NDFIP2: variants seen among roughly 807,000 people sequenced by gnomAD.
NDFIP2 encodes NEDD4 family-interacting protein 2.
A neutral mutation model predicts 36.0 loss-of-function variants in NDFIP2; 19 were observed. The observed-to-expected ratio is 0.53, with a 90% CI of 0.37 to 0.77. The LOEUF (loss-of-function observed/expected upper bound fraction) is 0.77, where lower values mean the gene tolerates loss of function less well. Among genes scored for constraint, NDFIP2 ranks in the 30% least tolerant of loss-of-function variants. The probability of loss-of-function intolerance (pLI) is 0.00; values close to 1 mark genes in which losing one functional copy is unlikely to be tolerated. For synonymous variants in NDFIP2, 181 were observed against 167.7 expected (o/e 1.08, Z -0.61); for missense variants, 446 against 435.8 (o/e 1.02, Z -0.21).
At chr13:79,500,473 A>G (rs1214950204) in intron 1 of NDFIP2, among the ~76,000 whole-genome samples, 3 of 152,022 alleles carry the variant, frequency 2.0e-5, no homozygotes, top group Non-Finnish European at 4.4e-5. Flanking sequence ...TCCAAAATAT[A>G]CAAAGAATTC....
chr13:79,501,529 T>C (rs1172059525), intron 1 of NDFIP2, among the ~76,000 whole-genome samples: 1 of 152,100 alleles, frequency 6.6e-6, no homozygotes, highest in Non-Finnish European at 1.5e-5. Context: ...ACATGATTGC[T>C]AACTTTGAGA....
At chr13:79,488,011 C>T (rs2140730777) in intron 1 of NDFIP2, among the ~76,000 whole-genome samples, 1 of 152,272 alleles carries the variant, frequency 6.6e-6, no homozygotes, top group Admixed American at 6.5e-5. Flanking sequence ...GTTAGGATAA[C>T]TTGTTATACT....
intron 1 of NDFIP2, among the ~76,000 whole-genome samples, chr13:79,483,157 T>C (rs1314612213): frequency 6.6e-6 from 1 of 152,168 alleles, no homozygotes; most frequent in Non-Finnish European, 1.5e-5. Context: ...AGACTTTGAA[T>C]GTTCCTTGAG....
chr13:79,485,870 A>G (rs757098379), intron 1 of NDFIP2, among the ~76,000 whole-genome samples: 4 of 152,164 alleles, frequency 2.6e-5, no homozygotes, highest in Non-Finnish European at 4.4e-5. Context: ...ATTACCTGGC[A>G]TGGAATATTG....
At position 79,507,792 on chromosome 13, in the gene NDFIP2, G is replaced by A. The variant is rs144224251; in HGVS notation, c.322-13018G>A. On this transcript the variant is annotated intron_variant, in intron 1 of 7. Coordinates refer to ENST00000218652, the MANE Select transcript of NDFIP2 (RefSeq NM_019080.3). ...TTCTATATCCACCGTGGACATAATA[G>A]ATGTTAACATCTTGCTGTATTTGTT... Among the ~76,000 whole-genome samples the A allele has an allele frequency of 2.6e-5, 4 of 151,476 alleles. No individual in the cohort carries two copies. In the East Asian group the frequency reaches 7.8e-4, roughly 29 times the overall value.
chr13:79,530,092 G>A (rs1265061404), intron 2 of NDFIP2, among the ~76,000 whole-genome samples: 1 of 152,136 alleles, frequency 6.6e-6, no homozygotes, highest in African/African-American at 2.4e-5. Flanking sequence ...CCTCAGTGTT[G>A]ATGGCTACTG....
intron 5 of NDFIP2, among the ~76,000 whole-genome samples, chr13:79,546,824 T>A (rs1281173746): frequency 6.6e-6 from 1 of 152,200 alleles, no homozygotes; most frequent in African/African-American, 2.4e-5. Flanking sequence ...TGTTCTTTAT[T>A]CTTTTTTGTT....
chr13:79,551,718 G>C (rs1351809528), intron 7 of NDFIP2, among the ~76,000 whole-genome samples: 3 of 151,448 alleles, frequency 2.0e-5, no homozygotes, highest in Non-Finnish European at 4.4e-5. Flanking sequence ...ATGAGTAGAA[G>C]TTGTCTTACT....
rs1361590784 is a variant in NDFIP2 at position 79,533,496 on chromosome 13, C to T, written c.621+40C>T. On this transcript the variant is annotated intron_variant, in intron 3 of 7. Transcript: ENST00000218652. ...TCATTTCTTTTGATAAAATTATTTT[C>T]GTTAATTGATATATACATTTAGTAA... 64 of 1,535,248 alleles carry T rather than the reference C, an allele frequency of 4.2e-5. No homozygotes were observed. In the Middle Eastern group the frequency reaches 1.0e-3, roughly 25 times the overall value.
intron 5 of NDFIP2, among the ~76,000 whole-genome samples, chr13:79,545,775 C>T (rs963303884): frequency 1.3e-5 from 2 of 152,112 alleles, no homozygotes; most frequent in Admixed American, 1.3e-4. Flanking sequence ...CTCACTCTGT[C>T]GCCCAGGCTG....
At chr13:79,536,735 A>T in intron 3 of NDFIP2, among the ~76,000 whole-genome samples, 1 of 152,132 alleles carries the variant, frequency 6.6e-6, no homozygotes. Flanking sequence ...TATAAAAGAC[A>T]TCTTTGGGCA....
rs1008979975 is a variant in NDFIP2, at chr13:79,553,090, A to G, written c.*577A>G. 2 of 151,824 alleles carry G rather than the reference A, an allele frequency of 1.3e-5. No individual in the cohort carries two copies. Among genetic ancestry groups the G allele is most frequent in the Non-Finnish European group, 3.0e-5 (2 of 67,458 alleles). 9.4% of individuals were successfully genotyped at this position (151,824 alleles called of 1,614,324 possible). A position where few individuals can be genotyped will look rare whatever the true frequency, so the allele number is the denominator to read the frequency against. On this transcript the variant is annotated 3_prime_UTR_variant, in exon 8 of 8. Coordinates refer to ENST00000218652, the MANE Select transcript of NDFIP2 (RefSeq NM_019080.3). ...TTATTTAGGAAAACTCTTCCTGTAA[A>G]TAACCATGCATAACTTACTTTCTGC...
chr13:79,508,743 C>G (rs1476865391), intron 1 of NDFIP2, among the ~76,000 whole-genome samples: 1 of 152,138 alleles, frequency 6.6e-6, no homozygotes, highest in Non-Finnish European at 1.5e-5. Context: ...ATGCCTTAAC[C>G]TTTTGGGAAT....
chr13:79,536,031 T>C (rs1875225255), intron 3 of NDFIP2, among the ~76,000 whole-genome samples: 1 of 133,248 alleles, frequency 7.5e-6, no homozygotes, highest in African/African-American at 3.5e-5. Flanking sequence ...TGGGAGAATA[T>C]AGATAGTCAA....
At chr13:79,544,107 T>C (rs1365859669) in intron 5 of NDFIP2, among the ~76,000 whole-genome samples, 1 of 152,192 alleles carries the variant, frequency 6.6e-6, no homozygotes, top group African/African-American at 2.4e-5. Context: ...TATTGTGATA[T>C]AGTGCAGGTA....
At chr13:79,545,486 A>G (rs770801798) in intron 5 of NDFIP2, among the ~76,000 whole-genome samples, 2 of 152,218 alleles carry the variant, frequency 1.3e-5, no homozygotes, top group Non-Finnish European at 2.9e-5. Context: ...AAATACTTTT[A>G]CTGAGTTAGA....
At position 79,497,791 on chromosome 13, in the gene NDFIP2, GGGGGGTGTGTGTGT is replaced by G. The variant is rs1308539117; in HGVS notation, c.321+16269_321+16282del. On this transcript the variant is annotated intron_variant, in intron 1 of 7. Coordinates refer to ENST00000218652, the MANE Select transcript of NDFIP2 (RefSeq NM_019080.3). ...ATGCCCATTTAAATCCTTTATCTGT[GGGGGGTGTGTGTGT>G]GTGTGTGTGTGTGTGTGTGTGTGTA... Among the ~76,000 whole-genome samples, 388 of 67,190 alleles carry G rather than the reference GGGGGGTGTGTGTGT, an allele frequency of 5.8e-3. 2 individuals are homozygous for G. Among genetic ancestry groups the G allele is most frequent in the African/African-American group, 0.016 (362 of 22,014 alleles). 44.1% of individuals were successfully genotyped at this position (67,190 alleles called of 152,430 possible).
chr13:79,482,036 G>T (rs1041747566), intron 1 of NDFIP2, among the ~76,000 whole-genome samples: 1 of 152,060 alleles, frequency 6.6e-6, no homozygotes, highest in Non-Finnish European at 1.5e-5. Context: ...TGGAACTGTA[G>T]AGAAAGACTA....
At chr13:79,489,070 A>G (rs1873125986) in intron 1 of NDFIP2, among the ~76,000 whole-genome samples, 2 of 152,200 alleles carry the variant, frequency 1.3e-5, no homozygotes, top group Non-Finnish European at 2.9e-5. Flanking sequence ...TGGGTGTTTT[A>G]GTTTTATATT....
Sources: gnomAD v4.1 joint callset for allele counts (sites outside exome capture counted in the v4.1 genomes callset) on GRCh38, gnomAD v4.1.1 for gene constraint, MANE v1.5 for transcripts, NCBI Gene and HGNC (gene_info 2026-07-23, HGNC 2026-07-21) for gene names.